DPYSL5: variants seen among roughly 807,000 people sequenced by gnomAD.
DPYSL5 encodes dihydropyrimidinase like 5, also known as dihydropyrimidinase-related protein 5.
A neutral mutation model predicts 58.4 loss-of-function variants in DPYSL5; 9 were observed. That is an observed-to-expected ratio of 0.15 (90% CI 0.09 to 0.27). DPYSL5 has a LOEUF of 0.27. Among genes scored for constraint, DPYSL5 ranks in the 10% least tolerant of loss-of-function variants. DPYSL5 has a pLI of 1.00. For missense variants in DPYSL5, 499 were observed against 770.6 expected (o/e 0.65, Z 4.17); for synonymous variants, 293 against 301.9 (o/e 0.97, Z 0.31).
chr2:26,944,731 G>A lies in DPYSL5; in HGVS notation c.1516G>A (p.Glu506Lys). The change falls in exon 12 of 13, where the codon GAG becomes AAG. Residue 506 changes from glutamate (E) to lysine (K), a missense_variant. Transcript: ENST00000288699. This position sits in a 1 kb window ranked among gnomAD's most constrained non-coding sequence, Gnocchi z 4.4. ...VAVVVHPGKK[E>K]MGTPLADTPT... Reference sequence around the variant, plus strand: ...TGTTGTCGTGCACCCTGGGAAAAAAGAGATGGGAACCCCACTCGCAGACAC... The same window carrying A: ...TGTTGTCGTGCACCCTGGGAAAAAAAAGATGGGAACCCCACTCGCAGACAC... 6.2e-7 allele frequency: 1 copy of A among 1,614,100 alleles called. No individual in the cohort carries two copies. Among genetic ancestry groups the A allele is most frequent in the South Asian group, 1.1e-5 (1 of 91,072 alleles).
chr2:26,917,503 A>C (rs1553319333), intron 2 of DPYSL5, among the ~76,000 whole-genome samples: 4 of 151,078 alleles, frequency 2.6e-5, no homozygotes, highest in Non-Finnish European at 4.4e-5. Context: ...TGTTTTCTTA[A>C]GAAGTATTTG....
At chr2:26,858,727 A>G (rs1346409904) in intron 1 of DPYSL5, among the ~76,000 whole-genome samples, 1 of 136,078 alleles carries the variant, frequency 7.3e-6, no homozygotes, top group Admixed American at 7.7e-5. Context: ...ATGCCACCAC[A>G]CCCAGCTATT....
chr2:26,927,311 T>G lies in DPYSL5; in HGVS notation c.479T>G (p.Phe160Cys), dbSNP rs772469014. The G allele has an allele frequency of 6.2e-7, 1 of 1,614,182 alleles. No homozygotes were observed. The highest frequency in any genetic ancestry group is 8.5e-7 in the Non-Finnish European group (1 of 1,180,032). The change falls in exon 4 of 13, where the codon TTC becomes TGC. Residue 160 changes from phenylalanine (F) to cysteine (C), a missense_variant. Around this residue, in one of 3 missense-constraint regions of DPYSL5, gnomAD observed 404 missense variants for 647.6 expected, o/e 0.62. Transcript: ENST00000288699. This position sits in a 1 kb window ranked among gnomAD's most constrained non-coding sequence, Gnocchi z 4.3. ...AAGGGTGTCAACTCGTTCCAGATGTTCATGACCTACAAGGACCTGTACATG... is the reference window on the plus strand; with the variant it reads ...AAGGGTGTCAACTCGTTCCAGATGTGCATGACCTACAAGGACCTGTACATG... ...REKGVNSFQM[F>C]MTYKDLYMLR...
chr2:26,919,579 T>TC (rs1664654279), intron 2 of DPYSL5, among the ~76,000 whole-genome samples: 1 of 152,188 alleles, frequency 6.6e-6, no homozygotes, highest in Non-Finnish European at 1.5e-5. Context: ...AAAACAAATT[T>TC]CCACCTATAC....
chr2:26,862,108 C>T (rs1254141556), intron 1 of DPYSL5, among the ~76,000 whole-genome samples: 2 of 152,184 alleles, frequency 1.3e-5, no homozygotes, highest in Non-Finnish European at 2.9e-5. Flanking sequence ...AAACATAGCT[C>T]ATCCAGCATC....
intron 1 of DPYSL5, among the ~76,000 whole-genome samples, chr2:26,862,037 T>C (rs1015108296): frequency 6.6e-6 from 1 of 151,942 alleles, no homozygotes; most frequent in Non-Finnish European, 1.5e-5. Flanking sequence ...TGGAAATGAA[T>C]TCTGCCAACA....
At chr2:26,858,906 A>G (rs995987525) in intron 1 of DPYSL5, among the ~76,000 whole-genome samples, 11 of 151,760 alleles carry the variant, frequency 7.2e-5, no homozygotes, top group African/African-American at 2.4e-4. Context: ...TAAATCTAAT[A>G]CTCCAATATT....
chr2:26,928,169 C>G (rs2148161136), intron 4 of DPYSL5, 86 bp from the exon 5 acceptor site: 1 of 1,365,908 alleles, frequency 7.3e-7, no homozygotes, highest in East Asian at 2.3e-5. Flanking sequence ...CGGTGTCTAG[C>G]ATATTTCACT....
At chr2:26,872,174 G>A (rs1176216817) in intron 1 of DPYSL5, among the ~76,000 whole-genome samples, 1 of 152,238 alleles carries the variant, frequency 6.6e-6, no homozygotes, top group Non-Finnish European at 1.5e-5. Context: ...GGGCTGAGGA[G>A]AGAGGAGAGC....
At position 26,905,428 on chromosome 2, in the gene DPYSL5, G is replaced by A. The variant is rs1327399738; in HGVS notation, c.261+6668G>A. Among the ~76,000 whole-genome samples, 2 of 152,126 alleles carry A rather than the reference G, an allele frequency of 1.3e-5. No homozygotes were observed. Among genetic ancestry groups the A allele is most frequent in the African/African-American group, 2.4e-5 (1 of 41,426 alleles). On this transcript the variant is annotated intron_variant, in intron 2 of 12. Coordinates refer to ENST00000288699, the MANE Select transcript of DPYSL5 (RefSeq NM_020134.4). This position sits in a 1 kb window ranked among gnomAD's most constrained non-coding sequence, Gnocchi z 4.0. ...CCAGTTCCTTGAGAAAAGATCCACC[G>A]ACTTTGGCTTCACAATGAAATTGCT...
chr2:26,948,441 A>G lies in DPYSL5; in HGVS notation c.*1446A>G, dbSNP rs1270969166. Reference sequence around the variant, plus strand: ...CGGGTGTCTCCTTCCACCTCCAGTGATCTGGGAAGTGACCCAGCCGCCTGC... The same window carrying G: ...CGGGTGTCTCCTTCCACCTCCAGTGGTCTGGGAAGTGACCCAGCCGCCTGC... On this transcript the variant is annotated 3_prime_UTR_variant, in exon 13 of 13. Transcript: ENST00000288699. 1 of 152,454 alleles carries G rather than the reference A, an allele frequency of 6.6e-6. No homozygotes were observed. Among genetic ancestry groups the G allele is most frequent in the East Asian group, 1.9e-4 (1 of 5,174 alleles). The allele number at this position is 152,454 out of a possible 1,614,324, so 9.4% of individuals were successfully genotyped here.
intron 6 of DPYSL5, among the ~76,000 whole-genome samples, chr2:26,931,945 T>C (rs534019853): frequency 8.3e-6 from 1 of 121,024 alleles, no homozygotes; most frequent in Non-Finnish European, 1.7e-5. Context: ...GAGGCGGAGG[T>C]TGCAGTGAGC....
At chr2:26,918,637 T>C (rs1664633906) in intron 2 of DPYSL5, among the ~76,000 whole-genome samples, 2 of 152,328 alleles carry the variant, frequency 1.3e-5, no homozygotes, top group South Asian at 4.1e-4. Flanking sequence ...ATGTTTGCAC[T>C]GTGCTTACCA....
chr2:26,942,194 C>A lies in DPYSL5; in HGVS notation c.1232+102C>A. The stretch of plus-strand genomic sequence containing the variant: ...GCATATAATTTTGCACTATTTCTAG[C>A]ACAAAATATGGCCCTGGCCTACCGT... On this transcript the variant is annotated intron_variant, in intron 10 of 12. Transcript: ENST00000288699. The surrounding 1 kb of genome is among the most constrained non-coding windows in gnomAD (Gnocchi z 5.9). 1 of 1,531,650 alleles carries A rather than the reference C, an allele frequency of 6.5e-7. No individual in the cohort carries two copies. The highest frequency in any genetic ancestry group is 8.8e-7 in the Non-Finnish European group (1 of 1,132,292). 94.9% of individuals were successfully genotyped at this position (1,531,650 alleles called of 1,614,324 possible).
intron 2 of DPYSL5, among the ~76,000 whole-genome samples, chr2:26,921,495 C>T (rs145884951): frequency 6.6e-6 from 1 of 151,724 alleles, no homozygotes; most frequent in Non-Finnish European, 1.5e-5. Flanking sequence ...GCCTTGCTGC[C>T]GATTTCTACA....
At chr2:26,893,233 T>C (rs1663932478) in intron 1 of DPYSL5, among the ~76,000 whole-genome samples, 2 of 152,218 alleles carry the variant, frequency 1.3e-5, no homozygotes, top group Non-Finnish European at 2.9e-5. Flanking sequence ...ATATAAGCTT[T>C]CTTGTTTGTT....
At chr2:26,852,190 C>T (rs1045646341) in intron 1 of DPYSL5, among the ~76,000 whole-genome samples, 2 of 152,194 alleles carry the variant, frequency 1.3e-5, no homozygotes, top group Non-Finnish European at 2.9e-5. Context: ...ATATCTTTGT[C>T]AACATGAAGT....
intron 1 of DPYSL5, among the ~76,000 whole-genome samples, chr2:26,884,921 G>A (rs1439632378): frequency 1.3e-5 from 2 of 152,188 alleles, no homozygotes; most frequent in Non-Finnish European, 2.9e-5. Context: ...TCAGGAGGCC[G>A]GGCATGGTGG....
intron 1 of DPYSL5, among the ~76,000 whole-genome samples, chr2:26,896,948 C>A (rs1259490612): frequency 6.6e-6 from 1 of 152,086 alleles, no homozygotes; most frequent in Non-Finnish European, 1.5e-5. Flanking sequence ...TGGATTTATG[C>A]CTATTTCACT....
Sources: allele counts gnomAD v4.1 joint callset (sites outside exome capture counted in the v4.1 genomes callset), GRCh38; gene constraint gnomAD v4.1.1; regional missense constraint gnomAD v4.1.1; non-coding constraint Gnocchi (gnomAD v3.1); transcripts MANE v1.5; gene names NCBI Gene and HGNC (gene_info 2026-07-23, HGNC 2026-07-21).